MIA2: variants seen among roughly 807,000 people sequenced by gnomAD.
MIA2 encodes the protein melanoma inhibitory activity protein 2.
A neutral mutation model predicts 167.8 loss-of-function variants in MIA2; 127 were observed. That is an observed-to-expected ratio of 0.76 (90% CI 0.66 to 0.88). The LOEUF (loss-of-function observed/expected upper bound fraction) is 0.88, where lower values mean the gene tolerates loss of function less well. Ranked by LOEUF, MIA2 falls within the 40% of genes least tolerant of loss-of-function variation. The probability of loss-of-function intolerance (pLI) is 0.00; values close to 1 mark genes in which losing one functional copy is unlikely to be tolerated. For synonymous variants in MIA2, 552 were observed against 541.9 expected, an observed-to-expected ratio of 1.02 and a Z score of -0.26; for missense variants, 1,690 against 1,624.7, an observed-to-expected ratio of 1.04 and a Z score of -0.69.
Position 39,313,289 on chromosome 14 carries a change from G to T in MIA2, c.3018-51G>T, listed in dbSNP as rs774626827. Reference sequence around the variant, plus strand: ...TTTTCACAATTAAAAATATAGAATTGATTATCTTTTGACATGTATTAAGAG... The same window carrying T: ...TTTTCACAATTAAAAATATAGAATTTATTATCTTTTGACATGTATTAAGAG... On this transcript the variant is annotated intron_variant, in intron 18 of 28. Transcript: ENST00000640607. The T allele has an allele frequency of 1.9e-5, 17 of 895,754 alleles. No homozygotes were observed. In the East Asian group the frequency reaches 4.4e-4, roughly 23 times the overall value. The allele number at this position is 895,754 out of a possible 1,614,324, so 55.5% of individuals were successfully genotyped here. A position where few individuals can be genotyped will look rare whatever the true frequency, so the allele number is the denominator to read the frequency against.
At chr14:39,242,587 T>C (rs1328453764) in intron 3 of MIA2, among the ~76,000 whole-genome samples, 1 of 151,886 alleles carries the variant, frequency 6.6e-6, no homozygotes, top group East Asian at 2.0e-4. Flanking sequence ...CCTCCCAAAG[T>C]GCTGGAATTA....
intron 27 of MIA2, 46 bp downstream of exon 27, chr14:39,347,817 T>TA: frequency 3.6e-4 from 403 of 1,117,050 alleles, no homozygotes; most frequent in Non-Finnish European, 4.4e-4. Flanking sequence ...TCAGAAGCCT[T>TA]CTTTTTTTTT....
At chr14:39,267,480 C>A (rs751171248) in intron 6 of MIA2, 1 of 1,613,276 alleles carries the variant, frequency 6.2e-7, no homozygotes, top group African/African-American at 1.3e-5. Flanking sequence ...CCGGGGTTAC[C>A]CCTCAACCGT....
chr14:39,293,937 T>C, intron 11 of MIA2, 63 bp from the exon 12 acceptor site: 1 of 1,279,668 alleles, frequency 7.8e-7, no homozygotes. Flanking sequence ...GTATATCTAA[T>C]AAACATGGCA....
intron 25 of MIA2, among the ~76,000 whole-genome samples, chr14:39,343,825 ATATGTGTGTATG>A (rs968853843): frequency 1.1e-4 from 16 of 152,086 alleles, no homozygotes; most frequent in African/African-American, 3.1e-4. Context: ...GGGTGTGTGT[ATATGTGTGTATG>A]TATGTGTGTA....
At chr14:39,267,588 A>T in intron 6 of MIA2, 3 of 1,585,724 alleles carry the variant, frequency 1.9e-6, no homozygotes, top group Non-Finnish European at 2.6e-6. Flanking sequence ...GGAAGGAAGC[A>T]GTAGACCGGC....
At chr14:39,353,967 T>A (rs908600820), downstream of MIA2, among the ~76,000 whole-genome samples, 4 of 152,246 alleles carry the variant, frequency 2.6e-5, no homozygotes, top group South Asian at 4.1e-4. Context: ...TCTATCATTG[T>A]CGGACATTTG....
intron 9 of MIA2, among the ~76,000 whole-genome samples, chr14:39,286,073 C>G (rs577375882): frequency 5.3e-4 from 80 of 152,318 alleles, no homozygotes; most frequent in African/African-American, 1.9e-3. Flanking sequence ...AATCTCAGCA[C>G]TTTGGGAGGC....
chr14:39,243,426 G>T (rs1460482711), intron 3 of MIA2, among the ~76,000 whole-genome samples: 1 of 152,176 alleles, frequency 6.6e-6, no homozygotes, highest in Non-Finnish European at 1.5e-5. Flanking sequence ...CGGTAAAATA[G>T]GTACTGTCAG....
At chr14:39,327,637 G>C (rs1403959722) in intron 25 of MIA2, among the ~76,000 whole-genome samples, 1 of 151,682 alleles carries the variant, frequency 6.6e-6, no homozygotes, top group East Asian at 1.9e-4. Context: ...CCCCCAGAGA[G>C]GCCCCGGTGT....
chr14:39,368,338 G>T (rs80050625), intron 23 of MIA2, among the ~76,000 whole-genome samples: 1 of 152,174 alleles, frequency 6.6e-6, no homozygotes, highest in East Asian at 1.9e-4. Flanking sequence ...GCAGGGCAGT[G>T]GCAATTCCCA....
rs1380306145 is a variant in MIA2, at chr14:39,377,448, AAAAG to A, written c.2249-9434_2249-9431del. 2.6e-5 allele frequency among the ~76,000 whole-genome samples: 4 copies of A among 152,204 alleles called. No homozygotes were observed. In the East Asian group the frequency reaches 5.8e-4, roughly 22 times the overall value. Reference sequence around the variant, plus strand: ...GATTTCAAATCAGGAAAAATGGAAAAAAAGAAGGAAAAGAAATAAGGAAAAGAAA... The same window carrying A: ...GATTTCAAATCAGGAAAAATGGAAAAAAGGAAAAGAAATAAGGAAAAGAAA... On this transcript the variant is annotated intron_variant, in intron 23 of 23. Transcript: ENST00000341502.
At position 39,319,297 on chromosome 14, in the gene MIA2, CT is replaced by C. The variant is rs556166758; in HGVS notation, c.3367+17del. 78,755 of 1,082,736 alleles carry C rather than the reference CT, an allele frequency of 0.073. No individual in the cohort carries two copies. The highest frequency in any genetic ancestry group is 0.11 in the South Asian group (5,132 of 48,606). 67.1% of individuals were successfully genotyped at this position (1,082,736 alleles called of 1,614,324 possible). On this transcript the variant is annotated splice_region_variant and intron_variant, in intron 23 of 28. Transcript: ENST00000640607. The stretch of plus-strand genomic sequence containing the variant: ...AAATACAGCATTTGGCAGAGGTAGT[CT>C]TTTTTTTTTTACCCCTCATTTAAAA...
chr14:39,347,466 C>T, intron 26 of MIA2: 3 of 472,004 alleles, frequency 6.4e-6, no homozygotes, highest in Non-Finnish European at 1.1e-5. Flanking sequence ...TCTTAGCATT[C>T]TGCTCCAGCA....
exon 24 of MIA2, chr14:39,386,964 T>C: frequency 2.6e-6 from 2 of 783,422 alleles, no homozygotes; most frequent in Middle Eastern, 4.5e-4. Context: ...GCCGAAGCAT[T>C]GGCGGATGAG....
At chr14:39,276,488 TCTTA>T (rs1208946464) in intron 6 of MIA2, 1 of 157,092 alleles carries the variant, frequency 6.4e-6, no homozygotes, top group East Asian at 1.9e-4. Context: ...TTGAGACAGG[TCTTA>T]CTTTGTTGCC....
At chr14:39,253,340 A>G in intron 6 of MIA2, 169 bp downstream of exon 6, 1 of 895,074 alleles carries the variant, frequency 1.1e-6, no homozygotes, top group Non-Finnish European at 1.7e-6. Context: ...GTTTTGTCAA[A>G]TGGATATTGA....
At position 39,281,886 on chromosome 14, in the gene MIA2, G is replaced by T. The variant is rs140288609; in HGVS notation, c.2130+2349G>T. On this transcript the variant is annotated intron_variant, in intron 9 of 28. Coordinates refer to ENST00000640607, the MANE Select transcript of MIA2 (RefSeq NM_001329214.4). The stretch of plus-strand genomic sequence containing the variant: ...TCCACCTGCCTTGGCCTCCCAAAGT[G>T]CTAGGATTACAGGTGTGAGCCACCA... Among the ~76,000 whole-genome samples, 1,083 of 152,162 alleles carry T rather than the reference G, an allele frequency of 7.1e-3. 13 individuals carry two copies. The highest frequency in any genetic ancestry group is 0.025 in the African/African-American group (1,032 of 41,534).
intron 17 of MIA2, among the ~76,000 whole-genome samples, chr14:39,305,386 T>A (rs2063171129): frequency 6.6e-6 from 1 of 152,192 alleles, no homozygotes; most frequent in African/African-American, 2.4e-5. Context: ...GCAAGGAAAT[T>A]TGCTCACCAG....
Sources: gnomAD v4.1 joint callset for allele counts (sites outside exome capture counted in the v4.1 genomes callset) on GRCh38, gnomAD v4.1.1 for gene constraint, MANE v1.5 for transcripts, NCBI Gene and HGNC (gene_info 2026-07-23, HGNC 2026-07-21) for gene names.